The following RASEF variants were observed in gnomAD, a reference collection of about 807,000 sequenced individuals.
RASEF encodes the protein RAS and EF-hand domain containing.
RASEF carries 68 observed loss-of-function variants against 90.1 expected under a neutral mutation model. The observed-to-expected ratio is 0.75, with a 90% confidence interval of 0.62 to 0.92. The LOEUF (loss-of-function observed/expected upper bound fraction) is 0.92, where lower values mean the gene tolerates loss of function less well. Ranked by LOEUF, RASEF falls within the 40% of genes least tolerant of loss-of-function variation. RASEF has a pLI of 0.00. For synonymous variants in RASEF, 331 were observed against 345.2 expected, an observed-to-expected ratio of 0.96 and a Z score of 0.46; for missense variants, 949 against 937.2, an observed-to-expected ratio of 1.01 and a Z score of -0.16.
the RASEF span, among the ~76,000 whole-genome samples, chr9:83,214,387 AAAAT>A: frequency 2.0e-5 from 3 of 152,204 alleles, no homozygotes; most frequent in Non-Finnish European, 2.9e-5. Flanking sequence ...TCTGTCTCAA[AAAAT>A]AAATAAATAA....
chr9:83,065,785 A>C (rs756886686), upstream of RASEF, among the ~76,000 whole-genome samples: 18 of 152,072 alleles, frequency 1.2e-4, no homozygotes, highest in African/African-American at 2.4e-5. Context: ...TTTAATTCTC[A>C]ATCAGTCAAC....
intron 1 of RASEF, chr9:83,049,146 C>G (rs1373459632): frequency 4.6e-6 from 1 of 216,988 alleles, no homozygotes; most frequent in African/African-American, 2.4e-5. Flanking sequence ...AAAAAAGAAT[C>G]CTGTGAATTC....
chr9:83,214,512 G>C, the RASEF span, among the ~76,000 whole-genome samples: 2 of 152,126 alleles, frequency 1.3e-5, no homozygotes, highest in African/African-American at 4.8e-5. Flanking sequence ...TGTCCCTTTA[G>C]GTAAATGACT....
At chr9:83,003,199 T>C (rs546262509) in intron 9 of RASEF, among the ~76,000 whole-genome samples, 2 of 152,264 alleles carry the variant, frequency 1.3e-5, no homozygotes, top group Admixed American at 1.3e-4. Context: ...AAATGTTATC[T>C]TCTTATGTCA....
chr9:83,135,889 T>C, the RASEF span, among the ~76,000 whole-genome samples: 2 of 152,120 alleles, frequency 1.3e-5, no homozygotes, highest in Admixed American at 1.3e-4. Flanking sequence ...CCCATTCTCT[T>C]GTAAATATTC....
upstream of RASEF, among the ~76,000 whole-genome samples, chr9:83,063,914 G>C (rs1830258512): frequency 6.6e-6 from 1 of 152,134 alleles, no homozygotes; most frequent in Non-Finnish European, 1.5e-5. Flanking sequence ...TCCTTTTCCA[G>C]GAGACCCTCA....
the RASEF span, among the ~76,000 whole-genome samples, chr9:83,159,168 A>G: frequency 6.8e-6 from 1 of 146,200 alleles, no homozygotes; most frequent in Admixed American, 7.0e-5. Flanking sequence ...CCTGGGCGAC[A>G]GAGCGAGACT....
chr9:83,169,394 C>T, the RASEF span, among the ~76,000 whole-genome samples: 1 of 133,288 alleles, frequency 7.5e-6, no homozygotes, highest in Non-Finnish European at 1.6e-5. Context: ...CACACACACA[C>T]AGGAGTGGGA....
At chr9:83,017,321 T>TAA (rs1174147161) in intron 3 of RASEF, among the ~76,000 whole-genome samples, 7 of 128,222 alleles carry the variant, frequency 5.5e-5, no homozygotes, top group Non-Finnish European at 6.7e-5. Flanking sequence ...TCGTCTCTAC[T>TAA]AAAAAAAAAA....
chr9:83,217,378 G>A, the RASEF span, among the ~76,000 whole-genome samples: 2 of 152,148 alleles, frequency 1.3e-5, no homozygotes, highest in Non-Finnish European at 2.9e-5. Flanking sequence ...GTGAGGACAT[G>A]AGATTTGGGA....
At position 83,055,827 on chromosome 9, in the gene RASEF, G is replaced by A. The variant is rs528808426; in HGVS notation, c.431+6610C>T. ...AAGATATATGTAAGGACCCCGAAGG[G>A]TCTATGGCTCCCAATTTGAGAAACA... On this transcript the variant is annotated intron_variant, in intron 1 of 16. Transcript: ENST00000376447. 2.4e-5 allele frequency: 14 copies of A among 583,922 alleles called. 1 individual carries two copies. The highest frequency in any genetic ancestry group is 3.2e-4 in the Middle Eastern group (1 of 3,164). The allele number at this position is 583,922 out of a possible 1,614,324, so 36.2% of individuals were successfully genotyped here.
chr9:82,990,452 A>C lies in RASEF; in HGVS notation c.2056T>G (p.Phe686Val), dbSNP rs1193743016. 1 of 1,612,198 alleles carries C rather than the reference A, an allele frequency of 6.2e-7. No individual in the cohort carries two copies. The highest frequency in any genetic ancestry group is 1.3e-5 in the African/African-American group (1 of 74,884). Reference sequence around the variant, plus strand: ...CCATCTTTGGCACTTGTTTCACAGAATAATGCCCCATACGTCTGTAAAAAA... The same window carrying C: ...CCATCTTTGGCACTTGTTTCACAGACTAATGCCCCATACGTCTGTAAAAAA... ...EKLAMTYGAL[F>V]CETSAKDGSN... The change falls in exon 16 of 17, where the codon TTC becomes GTC. Residue 686 changes from phenylalanine to valine, a missense_variant. By Grantham distance (50) the Phe-to-Val change is conservative (BLOSUM62 -1). Coordinates refer to ENST00000376447, the MANE Select transcript of RASEF (RefSeq NM_152573.4).
At chr9:83,140,269 C>A in the RASEF span, among the ~76,000 whole-genome samples, 5 of 152,112 alleles carry the variant, frequency 3.3e-5, no homozygotes, top group Non-Finnish European at 7.4e-5. Flanking sequence ...GAGGTCAAGC[C>A]ATATACAGGT....
In RASEF at chr9:83,022,335, C is replaced by T. The variant is rs767301207; in HGVS notation, c.669+1G>A. ...AATGAATGGCCAACCCAGAAACTCA[C>T]GTCTTTCCGTGTCTTATGTTCTGCA... On this transcript the variant is annotated splice_donor_variant, in intron 3 of 16. Coordinates refer to ENST00000376447, the MANE Select transcript of RASEF (RefSeq NM_152573.4). LOFTEE classifies it high-confidence loss of function. 3.1e-6 allele frequency: 5 copies of T among 1,612,790 alleles called. No homozygotes were observed. The highest frequency in any genetic ancestry group is 3.3e-5 in the Admixed American group (2 of 60,006).
chr9:83,006,231 T>C (rs1829128441), intron 7 of RASEF, among the ~76,000 whole-genome samples: 1 of 152,236 alleles, frequency 6.6e-6, no homozygotes, highest in African/African-American at 2.4e-5. Flanking sequence ...AGGGGACATG[T>C]ACCTTTCTTT....
chr9:83,218,538 C>G, the RASEF span, among the ~76,000 whole-genome samples: 1 of 152,130 alleles, frequency 6.6e-6, no homozygotes, highest in African/African-American at 2.4e-5. Flanking sequence ...TAGGACCTGA[C>G]TAGCTGAAAC....
chr9:83,016,920 T>A (rs948966311), intron 3 of RASEF, among the ~76,000 whole-genome samples: 4 of 152,078 alleles, frequency 2.6e-5, no homozygotes, highest in Admixed American at 6.5e-5. Context: ...AATTAATTAA[T>A]CCATATAAAT....
intron 13 of RASEF, 148 bp from the exon 14 acceptor site, chr9:82,997,274 G>C (rs906166252): frequency 1.7e-6 from 1 of 599,748 alleles, no homozygotes; most frequent in African/African-American, 1.9e-5. Context: ...GCATTTCAAA[G>C]GTCTCGAATG....
At chr9:83,009,618 C>A (rs749091947) in intron 6 of RASEF, 23 bp downstream of exon 6, 2 of 1,413,158 alleles carry the variant, frequency 1.4e-6, no homozygotes, top group South Asian at 1.2e-5. Flanking sequence ...CTCAAACTAA[C>A]AAATAAAATG....
Sources: gnomAD v4.1 joint callset for allele counts (sites outside exome capture counted in the v4.1 genomes callset) on GRCh38, gnomAD v4.1.1 for gene constraint, MANE v1.5 for transcripts, NCBI Gene and HGNC (gene_info 2026-07-23, HGNC 2026-07-21) for gene names.